Variants in PDZD2 observed in about 807,000 individuals in gnomAD.
PDZD2 encodes the protein PDZ domain containing 2, also known as PDZ domain-containing protein 2.
Under a neutral mutation model 220.7 loss-of-function variants are expected in PDZD2, and 90 were observed. The ratio of observed to expected loss-of-function variants is 0.41; its 90% CI spans 0.34 to 0.49. The LOEUF is 0.49. PDZD2 is among the 20% of genes least tolerant of loss of function. The pLI is 0.28. For synonymous variants in PDZD2, 1,375 were observed against 1,450.5 expected (o/e 0.95, Z 1.18); for missense variants, 3,174 against 3,608.5 (o/e 0.88, Z 3.08).
chr5:31,814,964 C>T (rs533287902), intron 2 of PDZD2, among the ~76,000 whole-genome samples: 5 of 151,722 alleles, frequency 3.3e-5, no homozygotes, highest in Non-Finnish European at 7.4e-5. Context: ...ATGGCAAGGC[C>T]GGGGGCGGTG....
At chr5:31,791,016 A>G (rs995898187) in intron 1 of PDZD2, among the ~76,000 whole-genome samples, 2 of 151,972 alleles carry the variant, frequency 1.3e-5, no homozygotes, top group African/African-American at 4.8e-5. Context: ...AACTTAATGT[A>G]TGCTACTTAA....
intron 2 of PDZD2, among the ~76,000 whole-genome samples, chr5:31,973,500 T>G (rs905161675): frequency 7.2e-5 from 11 of 152,214 alleles, no homozygotes; most frequent in African/African-American, 2.7e-4. Context: ...TACCTCTGCT[T>G]CAGCACAGAG....
At chr5:31,908,445 G>A (rs1742877876) in intron 2 of PDZD2, 1 of 633,630 alleles carries the variant, frequency 1.6e-6, no homozygotes, top group African/African-American at 1.9e-5. Context: ...GCGTGGAAGT[G>A]GAGGCGAAGA....
chr5:31,850,243 T>TATAC (rs577432352), intron 2 of PDZD2, among the ~76,000 whole-genome samples: 1,862 of 122,200 alleles, frequency 0.015, 47 homozygotes, highest in African/African-American at 0.048. Context: ...TATATATATA[T>TATAC]ACACACACAC....
chr5:31,872,874 A>G (rs1738950377), intron 2 of PDZD2, among the ~76,000 whole-genome samples: 1 of 152,176 alleles, frequency 6.6e-6, no homozygotes, highest in South Asian at 2.1e-4. Flanking sequence ...ACTATAATGG[A>G]ACATATACAA....
chr5:31,814,531 C>A (rs1354744944), intron 2 of PDZD2, among the ~76,000 whole-genome samples: 1 of 152,096 alleles, frequency 6.6e-6, no homozygotes, highest in African/African-American at 2.4e-5. Context: ...TATCTAAAGA[C>A]ATGGAATTAG....
intron 1 of PDZD2, among the ~76,000 whole-genome samples, chr5:31,773,287 C>T (rs1171027765): frequency 6.6e-6 from 1 of 152,154 alleles, no homozygotes; most frequent in Non-Finnish European, 1.5e-5. Context: ...ACAATGGGAG[C>T]TCAAGTTTCA....
chr5:31,645,484 G>A (rs973849789), intron 1 of PDZD2, among the ~76,000 whole-genome samples: 5 of 151,962 alleles, frequency 3.3e-5, no homozygotes, highest in East Asian at 1.9e-4. Context: ...CTACAGGTGC[G>A]TGCCACCACA....
At chr5:31,841,713 C>T (rs1435149107) in intron 2 of PDZD2, among the ~76,000 whole-genome samples, 2 of 151,294 alleles carry the variant, frequency 1.3e-5, no homozygotes, top group African/African-American at 4.9e-5. Flanking sequence ...TGGCTCACAC[C>T]TGTAATCCCA....
chr5:31,841,310 C>G (rs1410878849), intron 2 of PDZD2, among the ~76,000 whole-genome samples: 3 of 152,152 alleles, frequency 2.0e-5, no homozygotes, highest in African/African-American at 7.2e-5. Flanking sequence ...CTACCACTTA[C>G]CAAATGTGTG....
chr5:31,889,314 G>A (rs1423373753), intron 2 of PDZD2, among the ~76,000 whole-genome samples: 1 of 152,182 alleles, frequency 6.6e-6, no homozygotes, highest in Non-Finnish European at 1.5e-5. Flanking sequence ...TTGGAGGGGA[G>A]GAGCTTCTGT....
At chr5:32,072,005 G>C (rs980793495) in intron 16 of PDZD2, among the ~76,000 whole-genome samples, 156 bp from the exon 17 acceptor site, 1 of 152,160 alleles carries the variant, frequency 6.6e-6, no homozygotes, top group African/African-American at 2.4e-5. Flanking sequence ...CAATTTAGCC[G>C]TTCTGAGGTA....
intron 6 of PDZD2, among the ~76,000 whole-genome samples, chr5:32,030,975 C>G (rs1216125101): frequency 2.6e-5 from 4 of 152,122 alleles, no homozygotes; most frequent in Non-Finnish European, 4.4e-5. Flanking sequence ...TGCAGTTTTG[C>G]CTTCAAGTCT....
intron 2 of PDZD2, among the ~76,000 whole-genome samples, chr5:31,920,654 T>A (rs1369125814): frequency 6.6e-6 from 1 of 152,150 alleles, no homozygotes; most frequent in Non-Finnish European, 1.5e-5. Context: ...AAACAATTTT[T>A]TTTTTAAACG....
Position 32,089,176 on chromosome 5 carries a change from G to T in PDZD2, c.5728G>T (p.Gly1910Trp), listed in dbSNP as rs182515606. Residue 1910 changes from glycine to tryptophan, a missense_variant, in exon 20 of 25, where the codon GGG becomes TGG. Coordinates refer to ENST00000438447, the MANE Select transcript of PDZD2 (RefSeq NM_178140.4). ...APAANAVKAGGTDHRKPLISP... is the reference protein window; with the variant it reads ...APAANAVKAGWTDHRKPLISP... ...TGCTGCGAATGCTGTGAAGGCTGGG[G>T]GGACGGACCACAGGAAACCCTTGAT... 3.7e-6 allele frequency: 6 copies of T among 1,614,168 alleles called. No homozygotes were observed. In the South Asian group the frequency reaches 6.6e-5, roughly 18 times the overall value.
At chr5:32,015,798 A>G (rs1753743482) in intron 6 of PDZD2, among the ~76,000 whole-genome samples, 3 of 134,622 alleles carry the variant, frequency 2.2e-5, no homozygotes, top group Admixed American at 7.9e-5. Context: ...ATAGGGTGTG[A>G]AATGGGTGAT....
At position 32,110,859 on chromosome 5, in the gene PDZD2, T is replaced by G. The variant is rs745609988; in HGVS notation, c.*2724T>G. 6.6e-6 allele frequency: 1 copy of G among 152,450 alleles called. No individual in the cohort carries two copies. Among genetic ancestry groups the G allele is most frequent in the Non-Finnish European group, 1.5e-5 (1 of 68,046 alleles). 9.4% of individuals were successfully genotyped at this position (152,450 alleles called of 1,614,324 possible). A position where few individuals can be genotyped will look rare whatever the true frequency, so the allele number is the denominator to read the frequency against. On this transcript the variant is annotated 3_prime_UTR_variant, in exon 25 of 25. Coordinates refer to ENST00000438447, the MANE Select transcript of PDZD2 (RefSeq NM_178140.4). ...TTTTAAAAATGTTGTCACCAAGTTA[T>G]ATAAATCCACATCTCTGTAAACAAC...
At position 31,730,592 on chromosome 5, in the gene PDZD2, G is replaced by GTGTGTGGT. The variant is rs3222598; in HGVS notation, c.-360-68297_-360-68296insTGTGTGGT. Among the ~76,000 whole-genome samples the GTGTGTGGT allele has an allele frequency of 1.5e-3, 181 of 121,224 alleles. 1 individual carries two copies. The highest frequency in any genetic ancestry group is 5.4e-3 in the South Asian group (19 of 3,532). The allele number at this position is 121,224 out of a possible 152,430, so 79.5% of individuals were successfully genotyped here. Reference sequence around the variant, plus strand: ...TGTGTGTGTGTGTGTGTGTGTGTGTGGTGTGTGTGTGTGTGTGTAAGGGAG... The same window carrying GTGTGTGGT: ...TGTGTGTGTGTGTGTGTGTGTGTGTGTGTGTGGTGTGTGTGTGTGTGTGTGTAAGGGAG... On this transcript the variant is annotated intron_variant, in intron 1 of 24. Transcript: ENST00000438447.
chr5:31,906,976 T>C (rs2007825), intron 2 of PDZD2, among the ~76,000 whole-genome samples: 129,959 of 152,278 alleles, frequency 0.85, 56,263 homozygotes, highest in Non-Finnish European at 0.91. Context: ...GAAAGTTGTA[T>C]TATCCATCTA....
Sources: allele counts gnomAD v4.1 joint callset (sites outside exome capture counted in the v4.1 genomes callset), GRCh38; gene constraint gnomAD v4.1.1; transcripts MANE v1.5; gene names NCBI Gene and HGNC (gene_info 2026-07-23, HGNC 2026-07-21).